Variants in CTNNA3 observed in about 807,000 individuals in gnomAD.
CTNNA3 encodes catenin alpha 3, also known as catenin alpha-3.
Under a neutral mutation model 95.7 loss-of-function variants are expected in CTNNA3, and 76 were observed. That is an observed-to-expected ratio of 0.79 (90% CI 0.66 to 0.96). The LOEUF (loss-of-function observed/expected upper bound fraction) is 0.96. Ranked by LOEUF, CTNNA3 falls within the 40% of genes least tolerant of loss-of-function variation. The pLI is 0.00. For missense variants in CTNNA3, 1,191 were observed against 1,089.8 expected (o/e 1.09, Z -1.31); for synonymous variants, 431 against 374.4 (o/e 1.15, Z -1.74).
At chr10:67,084,012 G>C (rs1479297326) in intron 7 of CTNNA3, among the ~76,000 whole-genome samples, 1 of 152,122 alleles carries the variant, frequency 6.6e-6, no homozygotes, top group East Asian at 1.9e-4. Context: ...CCAGTTCAAG[G>C]AAGAGGTTCG....
chr10:66,980,399 T>A lies in CTNNA3; in HGVS notation c.1047+199918A>T, dbSNP rs972406545. Among the ~76,000 whole-genome samples the A allele has an allele frequency of 3.9e-5, 6 of 152,284 alleles. No homozygotes were observed. In the South Asian group the frequency reaches 6.2e-4, roughly 16 times the overall value. On this transcript the variant is annotated intron_variant, in intron 7 of 17. Coordinates refer to ENST00000433211, the MANE Select transcript of CTNNA3 (RefSeq NM_013266.4). ...CTATATAGGGAAGCCATCTTCTGGC[T>A]CACACAGAGAAAAGAGAACCCTGGC...
At chr10:66,461,760 AAG>A (rs2093530961) in intron 11 of CTNNA3, among the ~76,000 whole-genome samples, 1 of 151,016 alleles carries the variant, frequency 6.6e-6, no homozygotes, top group South Asian at 2.1e-4. Context: ...CCTCATTTCA[AAG>A]AGTGCTCTTC....
At chr10:66,997,524 A>T (rs899631366) in intron 7 of CTNNA3, among the ~76,000 whole-genome samples, 9 of 152,198 alleles carry the variant, frequency 5.9e-5, no homozygotes, top group African/African-American at 2.2e-4. Flanking sequence ...CTCTGGTAAA[A>T]CTTTTAGATC....
chr10:67,092,712 A>C (rs565818600), intron 7 of CTNNA3, among the ~76,000 whole-genome samples: 37 of 152,126 alleles, frequency 2.4e-4, no homozygotes, highest in Admixed American at 8.5e-4. Context: ...ATTAGTAATT[A>C]GTTATTTTTA....
At position 67,708,933 on chromosome 10, in the gene CTNNA3, C is replaced by G. The variant is rs10997788; in HGVS notation, c.-2+54501G>C. The stretch of plus-strand genomic sequence containing the variant: ...AAATGAAATTTATAGTTACTAACTA[C>G]AAACTGACTATACTAACTCATTAAA... On this transcript the variant is annotated intron_variant, in intron 1 of 17. Coordinates refer to the CTNNA3 transcript ENST00000684154. 7.7e-3 allele frequency among the ~76,000 whole-genome samples: 1,169 copies of G among 151,770 alleles called. 7 individuals are homozygous for G. Among genetic ancestry groups the G allele is most frequent in the Non-Finnish European group, 0.012 (793 of 67,898 alleles).
intron 9 of CTNNA3, among the ~76,000 whole-genome samples, chr10:66,697,439 A>T (rs993917914): frequency 9.9e-5 from 15 of 151,716 alleles, no homozygotes; most frequent in South Asian, 2.1e-4. Flanking sequence ...ATATACACAA[A>T]CACTGATACA....
At chr10:67,431,078 G>A (rs962574602) in intron 5 of CTNNA3, among the ~76,000 whole-genome samples, 3 of 151,924 alleles carry the variant, frequency 2.0e-5, no homozygotes, top group Non-Finnish European at 4.4e-5. Context: ...GAAGGCTATT[G>A]TCCTGTTGCT....
chr10:67,739,857 C>T (rs1370680540), intron 1 of CTNNA3, among the ~76,000 whole-genome samples: 3 of 152,182 alleles, frequency 2.0e-5, no homozygotes, highest in South Asian at 2.1e-4. Flanking sequence ...CAAGTCAATC[C>T]TAAGCCAAAA....
intron 7 of CTNNA3, among the ~76,000 whole-genome samples, chr10:67,179,494 C>CAA (rs35292826): frequency 0.11 from 9,753 of 85,142 alleles, 451 homozygotes; most frequent in South Asian, 0.21. Flanking sequence ...GCTAAAACTT[C>CAA]AAAAAAAAAA....
chr10:66,192,591 T>C (rs1455339913), intron 13 of CTNNA3, among the ~76,000 whole-genome samples: 3 of 152,214 alleles, frequency 2.0e-5, no homozygotes, highest in East Asian at 1.9e-4. Context: ...GTGCTTAACA[T>C]GTGTTACAAA....
chr10:66,781,264 A>T (rs566941129), intron 7 of CTNNA3, among the ~76,000 whole-genome samples: 1 of 152,250 alleles, frequency 6.6e-6, no homozygotes, highest in Non-Finnish European at 1.5e-5. Context: ...AGTGTGTGCC[A>T]TTTTATTCAA....
intron 13 of CTNNA3, among the ~76,000 whole-genome samples, chr10:66,266,633 C>T (rs1020495006): frequency 1.3e-5 from 2 of 152,004 alleles, no homozygotes; most frequent in Non-Finnish European, 2.9e-5. Flanking sequence ...ATCCCTTCAC[C>T]TTGGCTGCTC....
chr10:66,860,315 C>T (rs952086338), intron 7 of CTNNA3, among the ~76,000 whole-genome samples: 18 of 152,088 alleles, frequency 1.2e-4, no homozygotes, highest in African/African-American at 4.3e-4. Flanking sequence ...AATCTAATAG[C>T]GAAGAAGAAA....
chr10:66,442,205 G>C (rs2093379877), intron 11 of CTNNA3, among the ~76,000 whole-genome samples: 1 of 152,090 alleles, frequency 6.6e-6, no homozygotes, highest in Non-Finnish European at 1.5e-5. Flanking sequence ...GCAATTTAAA[G>C]TATACAGGGA....
intron 7 of CTNNA3, among the ~76,000 whole-genome samples, chr10:66,790,201 C>T (rs980833473): frequency 2.6e-5 from 4 of 152,124 alleles, no homozygotes; most frequent in African/African-American, 9.7e-5. Context: ...GTAATGCCAG[C>T]ACTTTGGGGT....
At chr10:67,282,794 C>T (rs1765661052) in intron 5 of CTNNA3, among the ~76,000 whole-genome samples, 1 of 152,052 alleles carries the variant, frequency 6.6e-6, no homozygotes, top group East Asian at 1.9e-4. Context: ...AAATGAAGGC[C>T]TTAGCAGTAG....
intron 12 of CTNNA3, among the ~76,000 whole-genome samples, chr10:66,318,914 ATT>A (rs5785754): frequency 3.4e-5 from 5 of 147,096 alleles, no homozygotes; most frequent in African/African-American, 7.4e-5. Flanking sequence ...AGGTAGAAGT[ATT>A]TTTTTTTTTT....
Position 66,303,932 on chromosome 10 carries a change from G to A in CTNNA3, c.1733-23311C>T, listed in dbSNP as rs73319957. On this transcript the variant is annotated intron_variant, in intron 12 of 17. Coordinates refer to ENST00000433211, the MANE Select transcript of CTNNA3 (RefSeq NM_013266.4). ...TTAAAGGGCAATTTTTAAGTCCTCA[G>A]TAGAGCAAAGGATATAAAACCACAA... 9.9e-3 allele frequency among the ~76,000 whole-genome samples: 1,508 copies of A among 152,132 alleles called. 24 individuals carry two copies. Among genetic ancestry groups the A allele is most frequent in the African/African-American group, 0.034 (1,408 of 41,500 alleles).
intron 8 of CTNNA3, among the ~76,000 whole-genome samples, chr10:66,766,669 G>T (rs193239742): frequency 1.3e-5 from 2 of 152,210 alleles, no homozygotes; most frequent in East Asian, 1.9e-4. Context: ...ATTTAACCTG[G>T]AAGTCAGATT....
Sources: gnomAD v4.1 joint callset for allele counts (sites outside exome capture counted in the v4.1 genomes callset) on GRCh38, gnomAD v4.1.1 for gene constraint, MANE v1.5 for transcripts, NCBI Gene and HGNC (gene_info 2026-07-23, HGNC 2026-07-21) for gene names.